Variants in CYP4Z1 observed in about 807,000 individuals in gnomAD.
CYP4Z1 encodes cytochrome P450 4Z1.
Under a neutral mutation model 54.2 loss-of-function variants are expected in CYP4Z1, and 41 were observed. That is an observed-to-expected ratio of 0.76 (90% CI 0.59 to 0.98). The LOEUF is 0.98. Ranked by LOEUF, CYP4Z1 falls within the 50% of genes least tolerant of loss-of-function variation. The pLI, the probability that CYP4Z1 is intolerant of heterozygous loss-of-function variation, is 0.00. For synonymous variants in CYP4Z1, 163 were observed against 206.2 expected (o/e 0.79, Z 1.79); for missense variants, 513 against 599.0 (o/e 0.86, Z 1.50).
At chr1:47,085,168 A>G (rs968528250) in intron 6 of CYP4Z1, among the ~76,000 whole-genome samples, 190 bp downstream of exon 6, 2 of 152,226 alleles carry the variant, frequency 1.3e-5, no homozygotes, top group African/African-American at 4.8e-5. Context: ...TTGACTATAT[A>G]TAGCTGTATT....
chr1:47,101,681 G>A (rs1644722830), intron 8 of CYP4Z1, among the ~76,000 whole-genome samples: 1 of 151,998 alleles, frequency 6.6e-6, no homozygotes, highest in Non-Finnish European at 1.5e-5. Flanking sequence ...GTCTATACTG[G>A]AAAATATTCC....
intron 2 of CYP4Z1, among the ~76,000 whole-genome samples, chr1:47,073,740 C>G (rs1467956874): frequency 6.6e-6 from 1 of 151,076 alleles, no homozygotes; most frequent in African/African-American, 2.4e-5. Flanking sequence ...TTTGCTGGCC[C>G]ATTGTTTATC....
chr1:47,086,469 T>G (rs555362453), intron 6 of CYP4Z1, among the ~76,000 whole-genome samples: 33 of 152,376 alleles, frequency 2.2e-4, no homozygotes, highest in African/African-American at 6.7e-4. Context: ...TTTTCATGTG[T>G]CTGTTGGCTG....
upstream of CYP4Z1, among the ~76,000 whole-genome samples, chr1:47,062,630 G>C (rs1415093245): frequency 6.6e-6 from 1 of 152,018 alleles, no homozygotes; most frequent in African/African-American, 2.4e-5. Context: ...ATACCCCTGG[G>C]AATATAGCTC....
rs773929573 is a variant in CYP4Z1, at chr1:47,117,865, C to T, written c.1449C>T (p.Pro483=). 6.2e-7 allele frequency: 1 copy of T among 1,613,546 alleles called. No homozygotes were observed. Among genetic ancestry groups the T allele is most frequent in the Admixed American group, 1.7e-5 (1 of 59,896 alleles). The change falls in exon 12 of 12, where the codon CCC becomes CCT. Residue 483 remains proline (P), a synonymous_variant. Coordinates refer to ENST00000334194, the MANE Select transcript of CYP4Z1 (RefSeq NM_178134.3). ...TGGCTCCAGACCACTCAAGGCCTCC[C>T]CAGCCTGTTCGTCAAGTTGTCCTCA... ...FKLAPDHSRP[P]QPVRQVVLKS...
intron 9 of CYP4Z1, among the ~76,000 whole-genome samples, chr1:47,113,377 C>G (rs973069985): frequency 3.3e-5 from 5 of 152,318 alleles, no homozygotes; most frequent in Non-Finnish European, 7.3e-5. Context: ...GTTCCCCTCT[C>G]AATTCCCCAA....
At position 47,089,818 on chromosome 1, in the gene CYP4Z1, C is replaced by CCTACT. The variant is rs1371407193; in HGVS notation, c.773-4748_773-4747insCTACT. On this transcript the variant is annotated intron_variant, in intron 6 of 11. Coordinates refer to ENST00000334194, the MANE Select transcript of CYP4Z1 (RefSeq NM_178134.3). Reference sequence around the variant, plus strand: ...CCACACAACGCCCCTTTTCAGCAGGCAGTAGCAAGAAAGAATTGTCGTCCA... The same window carrying CCTACT: ...CCACACAACGCCCCTTTTCAGCAGGCCTACTAGTAGCAAGAAAGAATTGTCGTCCA... Among the ~76,000 whole-genome samples the CCTACT allele has an allele frequency of 3.9e-5, 6 of 152,252 alleles. No individual in the cohort carries two copies. The East Asian group carries it at 1.2e-3, about 29-fold the overall frequency.
intron 10 of CYP4Z1, 39 bp from the exon 11 acceptor site, chr1:47,116,611 C>T (rs764608915): frequency 3.8e-6 from 5 of 1,329,308 alleles, no homozygotes; most frequent in Non-Finnish European, 5.3e-6. Context: ...TGGGGGTGGG[C>T]TGGAGGGATT....
chr1:47,069,523 T>G (rs1363223441), intron 2 of CYP4Z1, among the ~76,000 whole-genome samples: 1 of 151,778 alleles, frequency 6.6e-6, no homozygotes, highest in African/African-American at 2.4e-5. Flanking sequence ...AAGAAATGTC[T>G]GGCTATCCAG....
intron 9 of CYP4Z1, among the ~76,000 whole-genome samples, chr1:47,109,731 A>G (rs1161341365): frequency 6.6e-6 from 1 of 152,224 alleles, no homozygotes; most frequent in African/African-American, 2.4e-5. Flanking sequence ...GGAGTTAGGA[A>G]GACAGATTTA....
At chr1:47,063,400 A>G (rs907581145), upstream of CYP4Z1, among the ~76,000 whole-genome samples, 6 of 152,120 alleles carry the variant, frequency 3.9e-5, no homozygotes, top group Admixed American at 3.9e-4. Context: ...AAATCTCTGA[A>G]TTGCCAGAAA....
At chr1:47,104,466 G>A (rs1287823027) in intron 8 of CYP4Z1, among the ~76,000 whole-genome samples, 1 of 152,150 alleles carries the variant, frequency 6.6e-6, no homozygotes, top group Non-Finnish European at 1.5e-5. Flanking sequence ...GGCAGTGGTG[G>A]GTCAGGTAGG....
At position 47,068,763 on chromosome 1, in the gene CYP4Z1, G is replaced by C. The variant is rs181315648; in HGVS notation, c.319G>C (p.Asp107His). The change falls in exon 2 of 12, where the codon GAT (aspartate) becomes CAT (histidine). Residue 107 changes from aspartate to histidine, a missense_variant and splice_region_variant. Physicochemically the swap from Asp to His is moderately conservative, Grantham distance 81. Transcript: ENST00000334194. ...TGCCAAGATTCTCCTGAAAAGACAAGGTAAAAACCAAGAGGGGCTCACAGT... is the reference window on the plus strand; with the variant it reads ...TGCCAAGATTCTCCTGAAAAGACAACGTAAAAACCAAGAGGGGCTCACAGT... ...DYAKILLKRQ[D>H]PKSAVSHKIL... 1.2e-6 allele frequency: 2 copies of C among 1,613,740 alleles called. No homozygotes were observed. Among genetic ancestry groups the C allele is most frequent in the Non-Finnish European group, 1.7e-6 (2 of 1,179,866 alleles).
chr1:47,088,242 A>G (rs1215604126), intron 6 of CYP4Z1, among the ~76,000 whole-genome samples: 1 of 151,850 alleles, frequency 6.6e-6, no homozygotes, highest in Non-Finnish European at 1.5e-5. Context: ...CTCTTTTTCT[A>G]TCGATTGGAA....
At chr1:47,069,070 G>C (rs974874372) in intron 2 of CYP4Z1, among the ~76,000 whole-genome samples, 1 of 152,226 alleles carries the variant, frequency 6.6e-6, no homozygotes, top group Non-Finnish European at 1.5e-5. Context: ...TGAACATACA[G>C]TGGGTTGGGC....
intron 7 of CYP4Z1, chr1:47,096,552 G>T (rs1292820936): frequency 6.6e-6 from 1 of 151,762 alleles, no homozygotes; most frequent in African/African-American, 2.4e-5. Context: ...TGTTACATAG[G>T]TAAACATGTG....
chr1:47,058,832 C>A, the CYP4Z1 span, among the ~76,000 whole-genome samples: 1 of 152,078 alleles, frequency 6.6e-6, no homozygotes, highest in Non-Finnish European at 1.5e-5. Flanking sequence ...CCTCCACAAC[C>A]CTGGCAGGGA....
chr1:47,098,693 G>C (rs576691242), intron 7 of CYP4Z1, among the ~76,000 whole-genome samples: 3 of 152,196 alleles, frequency 2.0e-5, no homozygotes, highest in African/African-American at 7.2e-5. Context: ...TTACTACATA[G>C]TGTCCCATTT....
At chr1:47,106,484 G>A (rs1227470095) in intron 9 of CYP4Z1, among the ~76,000 whole-genome samples, 1 of 152,062 alleles carries the variant, frequency 6.6e-6, no homozygotes, top group Non-Finnish European at 1.5e-5. Flanking sequence ...ATGGACTGAG[G>A]GTTGGGTGAG....
Sources: allele counts gnomAD v4.1 joint callset (sites outside exome capture counted in the v4.1 genomes callset), GRCh38; gene constraint gnomAD v4.1.1; transcripts MANE v1.5; gene names NCBI Gene and HGNC (gene_info 2026-07-23, HGNC 2026-07-21).